The following CEP290 variants were observed in gnomAD, a reference collection of about 807,000 sequenced individuals.
CEP290 encodes the protein centrosomal protein 290, also known as centrosomal protein of 290 kDa.
Under a neutral mutation model 344.9 loss-of-function variants are expected in CEP290, and 317 were observed. That is an observed-to-expected ratio of 0.92 (90% confidence interval 0.84 to 1.01). The LOEUF is 1.01. CEP290 is among the 50% of genes least tolerant of loss of function. The pLI is 0.00. For missense variants in CEP290, 2,754 were observed against 2,761.4 expected, an observed-to-expected ratio of 1.00 and a Z score of 0.06; for synonymous variants, 932 against 895.8, an observed-to-expected ratio of 1.04 and a Z score of -0.72.
At chr12:88,110,532 G>T (rs943587518) in intron 22 of CEP290, among the ~76,000 whole-genome samples, 1 of 151,758 alleles carries the variant, frequency 6.6e-6, no homozygotes, top group African/African-American at 2.4e-5. Flanking sequence ...CCAATATGAC[G>T]ACACACCATC....
chr12:88,089,717 G>C (rs1401612039), intron 30 of CEP290, among the ~76,000 whole-genome samples: 1 of 148,900 alleles, frequency 6.7e-6, no homozygotes, highest in African/African-American at 2.5e-5. Flanking sequence ...CAGTGGGTAT[G>C]TTACTGGTGT....
chr12:88,137,258 C>T (rs1370005289), intron 5 of CEP290, among the ~76,000 whole-genome samples: 3 of 152,196 alleles, frequency 2.0e-5, no homozygotes, highest in Non-Finnish European at 4.4e-5. Context: ...AGTTCAATAG[C>T]CACTCGCTAC....
Position 88,068,629 on chromosome 12 carries a change from G to T in CEP290, c.6028C>A (p.Pro2010Thr), listed in dbSNP as rs762688893. ...ILYMRAHQAL[P>T]RDSVVEDLHL... ...AAATCTTCTACAACAGAATCTCGAGGAAGAGCTTGGTGGGCCCTATGAACA... is the reference window on the plus strand; with the variant it reads ...AAATCTTCTACAACAGAATCTCGAGTAAGAGCTTGGTGGGCCCTATGAACA... Residue 2010 changes from proline to threonine, a missense_variant, in exon 44 of 54, where the codon CCT becomes ACT. By Grantham distance (38) the Pro-to-Thr change is conservative (BLOSUM62 -1). Coordinates refer to ENST00000552810, the MANE Select transcript of CEP290 (RefSeq NM_025114.4). The T allele has an allele frequency of 1.9e-6, 3 of 1,594,426 alleles. No individual in the cohort carries two copies. The highest frequency in any genetic ancestry group is 2.6e-6 in the Non-Finnish European group (3 of 1,173,648).
chr12:88,111,908 C>T, intron 20 of CEP290, 50 bp from the exon 21 acceptor site: 1 of 1,320,212 alleles, frequency 7.6e-7, no homozygotes, highest in Non-Finnish European at 1.0e-6. Flanking sequence ...ACAGTAAAAT[C>T]ATAGTAAAAA....
At chr12:88,096,431 A>T (rs933634151) in intron 27 of CEP290, among the ~76,000 whole-genome samples, 7 of 152,172 alleles carry the variant, frequency 4.6e-5, no homozygotes, top group African/African-American at 1.7e-4. Context: ...ATGTAAGCAT[A>T]TAGGAGCAAA....
intron 43 of CEP290, among the ~76,000 whole-genome samples, chr12:88,070,412 T>C (rs1055441770): frequency 1.3e-5 from 2 of 152,182 alleles, no homozygotes; most frequent in Non-Finnish European, 2.9e-5. Context: ...AACCTTCTAA[T>C]TCTAGCTCGA....
At chr12:88,055,507 G>T in intron 50 of CEP290, 69 bp downstream of exon 50, 6 of 1,347,830 alleles carry the variant, frequency 4.5e-6, no homozygotes, top group African/African-American at 1.5e-5. Flanking sequence ...ATCTATATAA[G>T]ACAATGCAAG....
At chr12:88,063,386 C>T (rs541567438) in intron 45 of CEP290, among the ~76,000 whole-genome samples, 1 of 152,086 alleles carries the variant, frequency 6.6e-6, no homozygotes, top group Non-Finnish European at 1.5e-5. Flanking sequence ...TTATTAATAT[C>T]AGAATAAAGT....
intron 29 of CEP290, among the ~76,000 whole-genome samples, chr12:88,091,128 T>C (rs2037004361): frequency 6.6e-6 from 1 of 152,178 alleles, no homozygotes; most frequent in African/African-American, 2.4e-5. Flanking sequence ...TATATAATTA[T>C]CTCAAATCAT....
At position 88,126,256 on chromosome 12, in the gene CEP290, C is replaced by A. The variant is rs1044301810; in HGVS notation, c.1065+60G>T. ...TGATGATATAATAAATAAAAGACAT[C>A]GTTCAGAGTTCCAACTGTAATAAAA... On this transcript the variant is annotated intron_variant, in intron 12 of 53. Coordinates refer to ENST00000552810, the MANE Select transcript of CEP290 (RefSeq NM_025114.4). The A allele has an allele frequency of 4.5e-6, 6 of 1,319,896 alleles. No individual in the cohort carries two copies. In the South Asian group the frequency reaches 7.7e-5, roughly 17 times the overall value. The allele number at this position is 1,319,896 out of a possible 1,614,324, so 81.8% of individuals were successfully genotyped here. A position where few individuals can be genotyped will look rare whatever the true frequency, so the allele number is the denominator to read the frequency against.
intron 49 of CEP290, among the ~76,000 whole-genome samples, chr12:88,056,201 G>A (rs987923424): frequency 7.9e-5 from 12 of 151,610 alleles, no homozygotes; most frequent in African/African-American, 2.2e-4. Flanking sequence ...GATGGGAGAG[G>A]GATAAAGCTT....
In CEP290 at chr12:88,084,816, C is replaced by A; in HGVS notation, c.4474G>T (p.Glu1492Ter). ...KEKESALRLA[E>*]QNILSRDKVI... is the part of the protein sequence containing the mutation. Reference sequence around the variant, plus strand: ...TTGTCTCTTGACAGTATATTTTGTTCTGCTAACCTTAAAGCAGATTCTTTC... The same window carrying A: ...TTGTCTCTTGACAGTATATTTTGTTATGCTAACCTTAAAGCAGATTCTTTC... The change falls in exon 35 of 54, where the codon GAA becomes TAA. Residue 1492 changes from glutamate (E) to a stop codon, truncating the protein, a stop_gained. Transcript: ENST00000552810. LOFTEE classifies it high-confidence loss of function. 1 of 1,602,960 alleles carries A rather than the reference C, an allele frequency of 6.2e-7. No individual in the cohort carries two copies. Among genetic ancestry groups the A allele is most frequent in the Non-Finnish European group, 8.5e-7 (1 of 1,175,564 alleles).
chr12:88,099,402 A>G (rs930351199), intron 26 of CEP290, among the ~76,000 whole-genome samples: 1 of 152,230 alleles, frequency 6.6e-6, no homozygotes, highest in African/African-American at 2.4e-5. Context: ...ACAACAGAAT[A>G]GAGCTGTGAG....
chr12:88,063,318 G>GA (rs1249144180), intron 45 of CEP290, among the ~76,000 whole-genome samples: 5 of 150,896 alleles, frequency 3.3e-5, no homozygotes, highest in Non-Finnish European at 7.4e-5. Context: ...CTAGCCAAAA[G>GA]AAAAAAAAGA....
At chr12:88,093,497 G>A in intron 28 of CEP290, 1 of 320,054 alleles carries the variant, frequency 3.1e-6, no homozygotes, top group Non-Finnish European at 5.7e-6. Flanking sequence ...TTAAATGAAG[G>A]GATGGTGGTG....
intron 52 of CEP290, among the ~76,000 whole-genome samples, chr12:88,051,177 A>G (rs1414665398): frequency 2.0e-5 from 3 of 149,614 alleles, no homozygotes; most frequent in African/African-American, 7.4e-5. Flanking sequence ...AAACATTTTC[A>G]TGGCTGGGAC....
Position 88,136,757 on chromosome 12 carries a change from A to C in CEP290, c.327T>G (p.Asp109Glu). The C allele has an allele frequency of 6.2e-7, 1 of 1,613,770 alleles. No homozygotes were observed. The highest frequency in any genetic ancestry group is 1.1e-5 in the South Asian group (1 of 91,076). The stretch of plus-strand genomic sequence containing the variant: ...AAATTTCATTACGTAAAAACCGAGT[A>C]TCTCGTCCACCTGCAGACTGCTGAG... ...EMAQQSAGGRDTRFLRNEICQ... is the reference protein window; with the variant it reads ...EMAQQSAGGRETRFLRNEICQ... Residue 109 changes from aspartate to glutamate, a missense_variant, in exon 6 of 54, where the codon GAT becomes GAG. Physicochemically the swap from Asp to Glu is conservative, Grantham distance 45. Coordinates refer to ENST00000552810, the MANE Select transcript of CEP290 (RefSeq NM_025114.4).
chr12:88,090,774 C>T lies in CEP290; in HGVS notation c.3527G>A (p.Arg1176Lys), dbSNP rs868351171. 1.3e-6 allele frequency: 2 copies of T among 1,563,386 alleles called. No homozygotes were observed. Among genetic ancestry groups the T allele is most frequent in the Non-Finnish European group, 1.7e-6 (2 of 1,151,846 alleles). ...TCTGAGGGACTCTACTTCCTTGTCC[C>T]TAGATTGTTGTTGTGCATTCAAAAT... The part of the protein sequence containing the change: ...VEILNAQQQS[R>K]DKEVESLRMQ... The change falls in exon 30 of 54, where the codon AGG (arginine) becomes AAG (lysine). Residue 1176 changes from arginine to lysine, a missense_variant. Arg to Lys is a conservative substitution (Grantham distance 26, BLOSUM62 2). Transcript: ENST00000552810.
chr12:88,114,983 G>A, intron 19 of CEP290, 115 bp downstream of exon 19: 2 of 609,306 alleles, frequency 3.3e-6, no homozygotes, highest in Non-Finnish European at 5.8e-6. Context: ...CAGTACAGAG[G>A]TAATTAGGAG....
Sources: gnomAD v4.1 joint callset for allele counts (sites outside exome capture counted in the v4.1 genomes callset) on GRCh38, gnomAD v4.1.1 for gene constraint, MANE v1.5 for transcripts, NCBI Gene and HGNC (gene_info 2026-07-23, HGNC 2026-07-21) for gene names.